Variants in MLLT10 observed in about 807,000 individuals in gnomAD.
The protein encoded by MLLT10 is protein AF-10.
Under a neutral mutation model 129.1 loss-of-function variants are expected in MLLT10, and 30 were observed. That is an observed-to-expected ratio of 0.23 (90% CI 0.17 to 0.32). The LOEUF (loss-of-function observed/expected upper bound fraction) is 0.32. MLLT10 is among the 10% of genes least tolerant of loss of function. MLLT10 has a pLI of 1.00. For synonymous variants in MLLT10, 490 were observed against 446.4 expected, an observed-to-expected ratio of 1.10 and a Z score of -1.23; for missense variants, 1,119 against 1,268.3, an observed-to-expected ratio of 0.88 and a Z score of 1.79.
At position 21,673,755 on chromosome 10, in the gene MLLT10, A is replaced by T; in HGVS notation, c.1457A>T (p.Asn486Ile). 1 of 1,614,182 alleles carries T rather than the reference A, an allele frequency of 6.2e-7. No homozygotes were observed. The highest frequency in any genetic ancestry group is 8.5e-7 in the Non-Finnish European group (1 of 1,180,016). The change falls in exon 11 of 23, where the codon AAT becomes ATT. Residue 486 changes from asparagine (N) to isoleucine (I), a missense_variant. This residue lies in a region of MLLT10 where 1,004 missense variants were observed against 1,008.7 expected (regional missense o/e 1.00). Coordinates refer to ENST00000307729, the MANE Select transcript of MLLT10 (RefSeq NM_001195626.3). ...CCTGGCAGACCCAAAGGAAACAAAA[A>T]TCAAGAGAATGTTTCTCATCTCTCA... ...HGPGRPKGNK[N>I]QENVSHLSVS...
At chr10:21,539,219 G>C (rs2034633837) in intron 3 of MLLT10, among the ~76,000 whole-genome samples, 2 of 152,150 alleles carry the variant, frequency 1.3e-5, no homozygotes, top group Admixed American at 1.3e-4. Flanking sequence ...GCTAATCATA[G>C]TTAAAATATA....
chr10:21,580,312 G>A (rs1203560207), intron 3 of MLLT10, among the ~76,000 whole-genome samples: 1 of 151,658 alleles, frequency 6.6e-6, no homozygotes, highest in Non-Finnish European at 1.5e-5. Flanking sequence ...AACGGAAATG[G>A]TATAATTTGG....
intron 3 of MLLT10, among the ~76,000 whole-genome samples, chr10:21,552,365 A>G (rs2037196619): frequency 6.7e-6 from 1 of 148,978 alleles, no homozygotes; most frequent in South Asian, 2.1e-4. Flanking sequence ...TATAAGACTA[A>G]ATCTTTGTAT....
chr10:21,668,310 C>CT (rs1386609264), intron 9 of MLLT10, among the ~76,000 whole-genome samples: 1 of 152,084 alleles, frequency 6.6e-6, no homozygotes, highest in African/African-American at 2.4e-5. Context: ...TTCTGGTCTC[C>CT]TTTTACCTGT....
At chr10:21,619,532 ATTTT>A (rs1472297411) in intron 8 of MLLT10, among the ~76,000 whole-genome samples, 1 of 152,132 alleles carries the variant, frequency 6.6e-6, no homozygotes, top group Non-Finnish European at 1.5e-5. Context: ...TATTTTAAGA[ATTTT>A]TTGTGGTGGT....
chr10:21,611,508 A>T (rs189804637), intron 5 of MLLT10, among the ~76,000 whole-genome samples: 273 of 152,244 alleles, frequency 1.8e-3, no homozygotes, highest in Non-Finnish European at 2.9e-3. Flanking sequence ...CTTTTTCAAC[A>T]TGTATCACCT....
At chr10:21,534,831 G>T in intron 2 of MLLT10, 27 bp downstream of exon 2, 1 of 1,542,072 alleles carries the variant, frequency 6.5e-7, no homozygotes. Context: ...CCGCCGGGGC[G>T]CGCCGGCCTG....
intron 21 of MLLT10, among the ~76,000 whole-genome samples, chr10:21,737,739 A>C (rs1441447361): frequency 6.6e-6 from 1 of 152,026 alleles, no homozygotes; most frequent in Admixed American, 6.6e-5. Context: ...GGCCCTGTGG[A>C]CAGTCGTGGG....
intron 3 of MLLT10, among the ~76,000 whole-genome samples, chr10:21,584,706 A>G (rs1401714607): frequency 6.6e-6 from 1 of 151,694 alleles, no homozygotes; most frequent in Non-Finnish European, 1.5e-5. Flanking sequence ...TTATATATGT[A>G]TGTAAGTGTA....
intron 14 of MLLT10, among the ~76,000 whole-genome samples, chr10:21,721,355 T>C (rs895382577): frequency 6.6e-6 from 1 of 152,192 alleles, no homozygotes; most frequent in African/African-American, 2.4e-5. Flanking sequence ...ATTTTTCTTA[T>C]TATTCTGCGC....
At chr10:21,730,108 C>G (rs1271525095) in intron 16 of MLLT10, among the ~76,000 whole-genome samples, 2 of 151,690 alleles carry the variant, frequency 1.3e-5, no homozygotes, top group African/African-American at 4.8e-5. Context: ...TCTCCCCTGC[C>G]CAACCTCCCC....
chr10:21,579,361 T>C (rs1279099114), intron 3 of MLLT10, among the ~76,000 whole-genome samples: 1 of 152,134 alleles, frequency 6.6e-6, no homozygotes, highest in Admixed American at 6.6e-5. Flanking sequence ...AATCTGTGAA[T>C]GTGTCTTTTT....
chr10:21,707,592 G>A (rs1589747774), intron 13 of MLLT10, among the ~76,000 whole-genome samples: 1 of 152,168 alleles, frequency 6.6e-6, no homozygotes, highest in South Asian at 2.1e-4. Context: ...AATCCAGATT[G>A]TGAAATAGCC....
chr10:21,582,498 G>A (rs1308906985), intron 3 of MLLT10, among the ~76,000 whole-genome samples: 1 of 152,108 alleles, frequency 6.6e-6, no homozygotes, highest in Non-Finnish European at 1.5e-5. Flanking sequence ...TGTATGTATA[G>A]CAAAAAACAG....
rs56000691 is a variant in MLLT10, at chr10:21,676,720, C to CAAAAAAAAAAAAAAAAAAAAA, written c.1621+2817_1621+2837dup. ...TGGGAGACAGAGCGAGACTCCATCT[C>CAAAAAAAAAAAAAAAAAAAAA]AAAAAAAAAAAAAAAAAAAAAAAAA... On this transcript the variant is annotated intron_variant, in intron 11 of 22. Coordinates refer to ENST00000307729, the MANE Select transcript of MLLT10 (RefSeq NM_001195626.3). Among the ~76,000 whole-genome samples the CAAAAAAAAAAAAAAAAAAAAA allele has an allele frequency of 1.2e-4, 4 of 32,012 alleles. 1 individual carries two copies. Among genetic ancestry groups the CAAAAAAAAAAAAAAAAAAAAA allele is most frequent in the Non-Finnish European group, 2.4e-4 (4 of 16,714 alleles). 21.0% of individuals were successfully genotyped at this position (32,012 alleles called of 152,430 possible).
intron 3 of MLLT10, among the ~76,000 whole-genome samples, chr10:21,539,619 A>C (rs1480770404): frequency 6.6e-6 from 1 of 151,996 alleles, no homozygotes; most frequent in Non-Finnish European, 1.5e-5. Flanking sequence ...TACAAATACA[A>C]AAATTAGCTG....
intron 13 of MLLT10, among the ~76,000 whole-genome samples, chr10:21,703,116 A>C (rs1162844143): frequency 6.6e-6 from 1 of 151,838 alleles, no homozygotes; most frequent in South Asian, 2.1e-4. Flanking sequence ...GTATGTTTTC[A>C]TGGTGGCAAA....
intron 14 of MLLT10, among the ~76,000 whole-genome samples, chr10:21,725,564 C>G (rs900820906): frequency 6.6e-6 from 1 of 151,828 alleles, no homozygotes; most frequent in Non-Finnish European, 1.5e-5. Context: ...ACTAAAAATA[C>G]AAAAAATTTA....
At chr10:21,722,946 C>G (rs2057237299) in intron 14 of MLLT10, among the ~76,000 whole-genome samples, 1 of 152,096 alleles carries the variant, frequency 6.6e-6, no homozygotes, top group African/African-American at 2.4e-5. Context: ...ACCAAAATGA[C>G]TCTATCTGGT....
Sources: gnomAD v4.1 joint callset for allele counts (sites outside exome capture counted in the v4.1 genomes callset) on GRCh38, gnomAD v4.1.1 for gene constraint, gnomAD v4.1.1 regional missense constraint, MANE v1.5 for transcripts, NCBI Gene and HGNC (gene_info 2026-07-23, HGNC 2026-07-21) for gene names.